The following GGH variants were observed in gnomAD, a reference collection of about 807,000 sequenced individuals.
GGH encodes gamma-Glu-X carboxypeptidase.
Under a neutral mutation model 39.2 loss-of-function variants are expected in GGH, and 18 were observed. The ratio of observed to expected loss-of-function variants is 0.46; its 90% CI spans 0.32 to 0.68. The LOEUF is 0.68. Among genes scored for constraint, GGH ranks in the 30% least tolerant of loss-of-function variants. The pLI, the probability that GGH is intolerant of heterozygous loss-of-function variation, is 0.04. For missense variants in GGH, 367 were observed against 384.1 expected (o/e 0.96, Z 0.37); for synonymous variants, 147 against 138.8 (o/e 1.06, Z -0.42).
At chr8:63,033,381 G>A (rs1804840899) in intron 2 of GGH, among the ~76,000 whole-genome samples, 1 of 152,096 alleles carries the variant, frequency 6.6e-6, no homozygotes, top group South Asian at 2.1e-4. Flanking sequence ...GCTGGTCTTG[G>A]GCTTTTCTGT....
At chr8:63,031,418 T>C (rs908454285) in intron 2 of GGH, among the ~76,000 whole-genome samples, 1 of 152,198 alleles carries the variant, frequency 6.6e-6, no homozygotes, top group Non-Finnish European at 1.5e-5. Context: ...AGGTGAAATA[T>C]CAATATACAT....
In GGH at chr8:63,015,382, T is replaced by C. The variant is rs1462918755; in HGVS notation, c.907A>G (p.Ile303Val). Reference protein sequence around the residue: ...EKALIYQFSPIYTGNISSFQQ... With the variant: ...EKALIYQFSPVYTGNISSFQQ... Reference sequence around the variant, plus strand: ...AATGAAGAAATATTTCCAGTATAAATTGGACTGAACTGATAAATCAATGCT... The same window carrying C: ...AATGAAGAAATATTTCCAGTATAAACTGGACTGAACTGATAAATCAATGCT... Residue 303 changes from isoleucine (I) to valine (V), a missense_variant, in exon 9 of 9, where the codon ATT (isoleucine) becomes GTT (valine). Transcript: ENST00000260118. 4 of 1,405,164 alleles carry C rather than the reference T, an allele frequency of 2.8e-6. No individual in the cohort carries two copies. Among genetic ancestry groups the C allele is most frequent in the African/African-American group, 1.4e-5 (1 of 70,704 alleles). The allele number at this position is 1,405,164 out of a possible 1,614,324, so 87.0% of individuals were successfully genotyped here. A position where few individuals can be genotyped will look rare whatever the true frequency, so the allele number is the denominator to read the frequency against.
intron 7 of GGH, among the ~76,000 whole-genome samples, chr8:63,020,864 C>A (rs773815170): frequency 3.9e-5 from 6 of 152,168 alleles, no homozygotes; most frequent in Admixed American, 3.3e-4. Flanking sequence ...ACTGGCACTT[C>A]AGCAGACCAC....
intron 5 of GGH, 119 bp downstream of exon 5, chr8:63,026,039 T>C (rs912324825): frequency 2.6e-6 from 2 of 778,630 alleles, no homozygotes; most frequent in East Asian, 5.6e-5. Context: ...CATAAGCATT[T>C]TTTCCTTCAG....
At chr8:63,029,723 T>C (rs1804767541) in intron 3 of GGH, among the ~76,000 whole-genome samples, 1 of 152,098 alleles carries the variant, frequency 6.6e-6, no homozygotes, top group African/African-American at 2.4e-5. Context: ...TAATTAAATG[T>C]TTTTGATTGC....
chr8:63,035,859 T>G (rs1585675241), intron 1 of GGH, 89 bp from the exon 2 acceptor site: 2 of 1,161,336 alleles, frequency 1.7e-6, no homozygotes, highest in East Asian at 5.0e-5. Flanking sequence ...TATCATATTT[T>G]ATTATTTCAA....
At chr8:63,030,101 T>C in intron 3 of GGH, 66 bp downstream of exon 3, 2 of 723,814 alleles carry the variant, frequency 2.8e-6, no homozygotes, top group Non-Finnish European at 5.0e-6. Context: ...TTATATGATT[T>C]CTTTTACAAA....
chr8:63,030,935 A>G (rs1180505790), intron 2 of GGH, among the ~76,000 whole-genome samples: 1 of 152,202 alleles, frequency 6.6e-6, no homozygotes, highest in Non-Finnish European at 1.5e-5. Context: ...AACATTTACT[A>G]AGTCACAGAT....
At chr8:63,027,014 C>T (rs1177123481) in intron 4 of GGH, 167 bp downstream of exon 4, 11 of 626,544 alleles carry the variant, frequency 1.8e-5, no homozygotes, top group Non-Finnish European at 2.8e-5. Flanking sequence ...AGATGAAGCA[C>T]ATGGAAAATA....
At chr8:63,022,092 CTGTG>C (rs1160377678) in intron 7 of GGH, among the ~76,000 whole-genome samples, 1 of 151,200 alleles carries the variant, frequency 6.6e-6, no homozygotes, top group South Asian at 2.1e-4. Context: ...TTTTTCTTCT[CTGTG>C]TAATTTTTTT....
At chr8:63,031,037 C>G (rs1804793631) in intron 2 of GGH, among the ~76,000 whole-genome samples, 1 of 152,218 alleles carries the variant, frequency 6.6e-6, no homozygotes, top group Admixed American at 6.5e-5. Context: ...CCACATTTAG[C>G]AGCCTTCTGT....
rs1171794067 is a variant in GGH at position 63,024,613 on chromosome 8, AC to A, written c.500-428del. The A allele has an allele frequency of 1.9e-5, 3 of 157,152 alleles. No individual in the cohort carries two copies. The Admixed American group carries it at 1.9e-4, about 10-fold the overall frequency. 9.7% of individuals were successfully genotyped at this position (157,152 alleles called of 1,614,324 possible). A position where few individuals can be genotyped will look rare whatever the true frequency, so the allele number is the denominator to read the frequency against. On this transcript the variant is annotated intron_variant, in intron 5 of 8. Coordinates refer to ENST00000260118, the MANE Select transcript of GGH (RefSeq NM_003878.3). ...CTGGGACAAACAAATAAAAATACAA[AC>A]AATGTAGAAAAGAACATGAACCAAG...
chr8:63,017,099 G>C (rs1262310802), intron 8 of GGH, among the ~76,000 whole-genome samples: 1 of 152,160 alleles, frequency 6.6e-6, no homozygotes, highest in African/African-American at 2.4e-5. Flanking sequence ...GCCGAGGCAG[G>C]AGGATCCCCT....
At chr8:63,027,827 C>T (rs1419616877) in intron 3 of GGH, among the ~76,000 whole-genome samples, 2 of 151,326 alleles carry the variant, frequency 1.3e-5, no homozygotes, top group African/African-American at 2.4e-5. Flanking sequence ...AACATAATTA[C>T]GATTCTAGAA....
Position 63,015,125 on chromosome 8 carries a change from G to T in GGH, c.*207C>A. 1 of 344,206 alleles carries T rather than the reference G, an allele frequency of 2.9e-6. No individual in the cohort carries two copies. The allele number at this position is 344,206 out of a possible 1,614,324, so 21.3% of individuals were successfully genotyped here. On this transcript the variant is annotated 3_prime_UTR_variant, in exon 9 of 9. Transcript: ENST00000260118. ...TTTTTTCAATCTTCAGATATAAGAA[G>T]GCTTTTCCATGAAAAACACTCTATT... is the stretch of plus-strand genomic sequence containing the variant.
At chr8:63,029,085 G>A (rs1167871498) in intron 3 of GGH, among the ~76,000 whole-genome samples, 5 of 152,042 alleles carry the variant, frequency 3.3e-5, no homozygotes, top group Non-Finnish European at 1.5e-5. Context: ...CTTTTTAAAA[G>A]AAACAATAAA....
chr8:63,038,391 A>G (rs1369967925), intron 1 of GGH, among the ~76,000 whole-genome samples: 2 of 152,268 alleles, frequency 1.3e-5, no homozygotes, highest in African/African-American at 2.4e-5. Flanking sequence ...ACAAAAAAAG[A>G]AAATCCGCAG....
Position 63,027,232 on chromosome 8 carries a change from T to C in GGH, c.309A>G (p.Arg103=). 1 of 1,597,618 alleles carries C rather than the reference T, an allele frequency of 6.3e-7. No individual in the cohort carries two copies. The highest frequency in any genetic ancestry group is 8.6e-7 in the Non-Finnish European group (1 of 1,165,136). The change falls in exon 4 of 9, where the codon AGA becomes AGG. Residue 103 remains arginine (R), a synonymous_variant. Transcript: ENST00000260118. ...ILFPGGSVDL[R]RSDYAKVAKI... is the part of the protein sequence containing the mutation. ...TGGCCACTTTAGCATAATCTGAGCGTCTGAGGTCAACACTTCCTCCAGGGA... is the reference window on the plus strand; with the variant it reads ...TGGCCACTTTAGCATAATCTGAGCGCCTGAGGTCAACACTTCCTCCAGGGA...
At chr8:63,018,962 G>T (rs1327834892) in intron 7 of GGH, among the ~76,000 whole-genome samples, 1 of 152,176 alleles carries the variant, frequency 6.6e-6, no homozygotes, top group African/African-American at 2.4e-5. Flanking sequence ...GATCCAGTAT[G>T]AGGCACTAAG....
Sources: gnomAD v4.1 joint callset for allele counts (sites outside exome capture counted in the v4.1 genomes callset) on GRCh38, gnomAD v4.1.1 for gene constraint, MANE v1.5 for transcripts, NCBI Gene and HGNC (gene_info 2026-07-23, HGNC 2026-07-21) for gene names.